F7: variants seen among roughly 807,000 people sequenced by gnomAD.
F7 encodes the protein coagulation factor VII.
In F7, 38 loss-of-function variants were observed where a neutral mutation model predicts 47.5. The observed-to-expected ratio is 0.80, with a 90% CI of 0.62 to 1.05. The LOEUF (loss-of-function observed/expected upper bound fraction) is 1.05. Ranked by LOEUF, F7 falls within the 50% of genes least tolerant of loss-of-function variation. F7 has a pLI of 0.00. For synonymous variants in F7, 244 were observed against 258.5 expected (o/e 0.94, Z 0.54); for missense variants, 575 against 605.4 (o/e 0.95, Z 0.53).
intron 7 of F7, 98 bp from the exon 8 acceptor site, chr13:113,118,315 C>T (rs533703417): frequency 1.5e-6 from 2 of 1,330,322 alleles, no homozygotes; most frequent in Middle Eastern, 2.0e-4. Context: ...GAGACTGCAG[C>T]CCCTGCAGAC....
intron 1 of F7, chr13:113,106,715 A>C: frequency 1.7e-6 from 1 of 593,910 alleles, no homozygotes; most frequent in Non-Finnish European, 2.7e-6. Context: ...GAGGATGGCT[A>C]GTGGGGCGTG....
chr13:113,118,772 T>C lies in F7; in HGVS notation c.1099T>C (p.Cys367Arg), dbSNP rs121964934. ...DSPNITEYMFCAGYSDGSKDS... is the reference protein window; with the variant it reads ...DSPNITEYMFRAGYSDGSKDS... ...CCCAAATATCACGGAGTACATGTTC[T>C]GTGCCGGCTACTCGGATGGCAGCAA... is the stretch of plus-strand genomic sequence containing the variant. The change falls in exon 8 of 8, where the codon TGT becomes CGT. Residue 367 changes from cysteine (C) to arginine (R), a missense_variant. By Grantham distance (180) the Cys-to-Arg change is radical (BLOSUM62 -3). Transcript: ENST00000346342. The C allele has an allele frequency of 6.2e-7, 1 of 1,613,260 alleles. No individual in the cohort carries two copies. Among genetic ancestry groups the C allele is most frequent in the Non-Finnish European group, 8.5e-7 (1 of 1,179,996 alleles).
rs777789240 is a variant in F7 at position 113,105,870 on chromosome 13, G to A, written c.29G>A (p.Cys10Tyr). The A allele has an allele frequency of 7.5e-6, 12 of 1,591,538 alleles. No individual in the cohort carries two copies. Among genetic ancestry groups the A allele is most frequent in the Admixed American group, 7.0e-5 (4 of 56,780 alleles). Residue 10 changes from cysteine (C) to tyrosine (Y), a missense_variant, in exon 1 of 8, where the codon TGC (cysteine) becomes TAC (tyrosine). Cys to Tyr is a radical substitution (Grantham distance 194, BLOSUM62 -2). Transcript: ENST00000346342. MVSQALRLL[C>Y]LLLGLQGCLA... ...GTCTCCCAGGCCCTCAGGCTCCTCT[G>A]CCTTCTGCTTGGGCTTCAGGGCTGC...
Position 113,120,135 on chromosome 13 carries a change from A to G in F7, c.*1127A>G, listed in dbSNP as rs1168050008. Reference sequence around the variant, plus strand: ...ATCACTGAAATGAACCCTCACATGGAAGCTATTTTTTAAAAACAAAAGCTG... The same window carrying G: ...ATCACTGAAATGAACCCTCACATGGGAGCTATTTTTTAAAAACAAAAGCTG... On this transcript the variant is annotated 3_prime_UTR_variant, in exon 8 of 8. Transcript: ENST00000346342. The G allele has an allele frequency of 6.6e-6, 1 of 152,234 alleles. No homozygotes were observed. Among genetic ancestry groups the G allele is most frequent in the African/African-American group, 2.4e-5 (1 of 41,458 alleles). The allele number at this position is 152,234 out of a possible 1,614,324, so 9.4% of individuals were successfully genotyped here. A position where few individuals can be genotyped will look rare whatever the true frequency, so the allele number is the denominator to read the frequency against.
At chr13:113,110,265 G>C (rs1303944769) in intron 1 of F7, 2 of 181,100 alleles carry the variant, frequency 1.1e-5, no homozygotes, top group Non-Finnish European at 2.3e-5. Context: ...TGCGGGTGGA[G>C]ACGAGGGATT....
chr13:113,114,976 C>T (rs1293221185), intron 4 of F7: 1 of 156,700 alleles, frequency 6.4e-6, no homozygotes, highest in Non-Finnish European at 1.4e-5. Flanking sequence ...GCCCAGCAAG[C>T]TGGAGGAGGC....
intron 2 of F7, among the ~76,000 whole-genome samples, chr13:113,112,225 TCACCTCACACCCACAGGA>T (rs2036114782): frequency 8.0e-6 from 1 of 124,236 alleles, no homozygotes; most frequent in African/African-American, 3.2e-5. Context: ...CTCACAGAGG[TCACCTCACACCCACAGGA>T]CACCTCACAC....
At chr13:113,115,954 G>C (rs532563472) in intron 5 of F7, among the ~76,000 whole-genome samples, 154 bp downstream of exon 5, 108 of 152,344 alleles carry the variant, frequency 7.1e-4, no homozygotes, top group African/African-American at 2.5e-3. Flanking sequence ...GGCACCAAGG[G>C]TGGCACAGGC....
chr13:113,114,029 C>T (rs917821699), intron 4 of F7, 69 bp downstream of exon 4: 2 of 1,560,494 alleles, frequency 1.3e-6, no homozygotes, highest in African/African-American at 2.7e-5. Context: ...GCCTGGCCAA[C>T]CGGGCTGCAG....
chr13:113,112,081 TCACCTCACACTCACAGGA>T (rs1185040927), intron 2 of F7, among the ~76,000 whole-genome samples: 20 of 133,572 alleles, frequency 1.5e-4, no homozygotes, highest in Admixed American at 1.0e-3. Flanking sequence ...CACTCACAGG[TCACCTCACACTCACAGGA>T]CACCTCACAG....
intron 5 of F7, 50 bp downstream of exon 5, chr13:113,115,850 C>G: frequency 1.9e-6 from 3 of 1,611,122 alleles, no homozygotes; most frequent in South Asian, 1.1e-5. Flanking sequence ...CCCTGTCCCA[C>G]TACGGATTAT....
intron 2 of F7, among the ~76,000 whole-genome samples, chr13:113,111,243 A>G (rs2036088144): frequency 6.6e-6 from 1 of 152,188 alleles, no homozygotes; most frequent in South Asian, 2.1e-4. Context: ...GGCCCACAGC[A>G]TGCCACCAGC....
At chr13:113,110,555 C>G in intron 1 of F7, 135 bp from the exon 2 acceptor site, 1 of 1,242,472 alleles carries the variant, frequency 8.0e-7, no homozygotes, top group Non-Finnish European at 1.1e-6. Flanking sequence ...CCCAGCCAGG[C>G]CCGCGAGCAG....
At chr13:113,117,353 C>T in intron 6 of F7, 120 bp from the exon 7 acceptor site, 1 of 1,520,644 alleles carries the variant, frequency 6.6e-7, no homozygotes, top group Non-Finnish European at 8.9e-7. Context: ...CTGCAAAGAC[C>T]CCAGGATTTC....
chr13:113,108,710 G>T (rs2036022942), intron 1 of F7, among the ~76,000 whole-genome samples: 1 of 133,822 alleles, frequency 7.5e-6, no homozygotes, highest in Non-Finnish European at 1.6e-5. Context: ...GGGGGTGTGG[G>T]TGTCCCGGGG....
At position 113,113,103 on chromosome 13, in the gene F7, C is replaced by T. The variant is rs2036135032; in HGVS notation, c.226-649C>T. Among the ~76,000 whole-genome samples the T allele has an allele frequency of 6.6e-6, 1 of 151,712 alleles. No homozygotes were observed. Among genetic ancestry groups the T allele is most frequent in the African/African-American group, 2.4e-5 (1 of 41,262 alleles). The stretch of plus-strand genomic sequence containing the variant: ...ACACTCACAGGATGCCTCACACTCA[C>T]AGAACCACATCTCATATGCACAAGA... On this transcript the variant is annotated intron_variant, in intron 2 of 7. Transcript: ENST00000346342. The surrounding 1 kb of genome is among the most constrained non-coding windows in gnomAD (Gnocchi z 4.1).
At chr13:113,116,660 G>A (rs778886171) in intron 5 of F7, 106 bp from the exon 6 acceptor site, 2 of 941,744 alleles carry the variant, frequency 2.1e-6, no homozygotes, top group South Asian at 1.3e-5. Flanking sequence ...GCCTCCCATA[G>A]CCTCGGCCTC....
intron 1 of F7, among the ~76,000 whole-genome samples, chr13:113,109,185 G>A (rs1455803193): frequency 1.4e-5 from 2 of 145,236 alleles, no homozygotes; most frequent in East Asian, 4.2e-4. Context: ...CCAGAAGTGT[G>A]AGTGTCCCAG....
chr13:113,118,576 G>A lies in F7; in HGVS notation c.903G>A (p.Leu301=). The A allele has an allele frequency of 1.2e-6, 2 of 1,612,738 alleles. No homozygotes were observed. Among genetic ancestry groups the A allele is most frequent in the Non-Finnish European group, 1.7e-6 (2 of 1,179,860 alleles). ...CTGACCATGTGGTGCCCCTCTGCCT[G>A]CCCGAACGGACGTTCTCTGAGAGGA... ...VLTDHVVPLC[L]PERTFSERTL... The change falls in exon 8 of 8, where the codon CTG becomes CTA. Residue 301 remains leucine (L), a synonymous_variant. Transcript: ENST00000346342.
Sources: allele counts gnomAD v4.1 joint callset (sites outside exome capture counted in the v4.1 genomes callset), GRCh38; gene constraint gnomAD v4.1.1; non-coding constraint Gnocchi (gnomAD v3.1); transcripts MANE v1.5; gene names NCBI Gene and HGNC (gene_info 2026-07-23, HGNC 2026-07-21).